MINAR1: variants seen among roughly 807,000 people sequenced by gnomAD.
MINAR1 encodes the protein membrane integral NOTCH2 associated receptor 1.
MINAR1 carries 40 observed loss-of-function variants against 65.1 expected under a neutral mutation model. The observed-to-expected ratio is 0.61, with a 90% CI of 0.48 to 0.80. MINAR1 has a LOEUF of 0.80. Among genes scored for constraint, MINAR1 ranks in the 30% least tolerant of loss-of-function variants. The pLI, the probability that MINAR1 is intolerant of heterozygous loss-of-function variation, is 0.00. For synonymous variants in MINAR1, 482 were observed against 449.1 expected (o/e 1.07, Z -0.93); for missense variants, 1,128 against 1,148.0 (o/e 0.98, Z 0.25).
chr15:79,463,216 G>A lies in MINAR1; in HGVS notation c.2448G>A (p.Arg816=). 2 of 1,614,216 alleles carry A rather than the reference G, an allele frequency of 1.2e-6. No individual in the cohort carries two copies. Among genetic ancestry groups the A allele is most frequent in the African/African-American group, 2.7e-5 (2 of 75,064 alleles). The part of the protein sequence containing the change: ...MKSNPLYTDM[R]LTELAEVKRG... Reference sequence around the variant, plus strand: ...GCAACCCCCTGTACACAGACATGCGGCTGACCGAGTTGGCCGAGGTGAAGC... The same window carrying A: ...GCAACCCCCTGTACACAGACATGCGACTGACCGAGTTGGCCGAGGTGAAGC... Residue 816 remains arginine (R), a synonymous_variant, in exon 3 of 4, where the codon CGG becomes CGA. Transcript: ENST00000305428.
chr15:79,463,588 A>G, intron 3 of MINAR1: 1 of 643,314 alleles, frequency 1.6e-6, no homozygotes, highest in East Asian at 3.1e-5. Context: ...TGATTTGCTA[A>G]CAATGCATTT....
At chr15:79,455,285 A>G (rs2141292131) in intron 1 of MINAR1, among the ~76,000 whole-genome samples, 1 of 152,344 alleles carries the variant, frequency 6.6e-6, no homozygotes, top group African/African-American at 2.4e-5. Flanking sequence ...TGTTTTCAAG[A>G]ATGCATAATT....
chr15:79,461,551 A>G (rs1340862920), intron 2 of MINAR1, among the ~76,000 whole-genome samples: 4 of 152,224 alleles, frequency 2.6e-5, no homozygotes, highest in Non-Finnish European at 1.5e-5. Flanking sequence ...AGTCTCTTAG[A>G]AGATACTTGG....
At chr15:79,441,811 T>A (rs997868457) in intron 1 of MINAR1, among the ~76,000 whole-genome samples, 4 of 151,980 alleles carry the variant, frequency 2.6e-5, no homozygotes, top group Non-Finnish European at 4.4e-5. Flanking sequence ...CCTTAGTCTT[T>A]AGTACTTTTC....
chr15:79,440,394 C>T (rs1489907494), intron 1 of MINAR1, among the ~76,000 whole-genome samples: 1 of 152,178 alleles, frequency 6.6e-6, no homozygotes, highest in Non-Finnish European at 1.5e-5. Flanking sequence ...TAAGACCCAT[C>T]CTTAAATACT....
intron 1 of MINAR1, among the ~76,000 whole-genome samples, chr15:79,446,669 A>AC (rs1174849754): frequency 4.6e-5 from 7 of 151,918 alleles, no homozygotes; most frequent in Admixed American, 1.3e-4. Context: ...TCTAAGGGTG[A>AC]GTTCATTATT....
intron 1 of MINAR1, among the ~76,000 whole-genome samples, chr15:79,437,829 T>G (rs1225896158): frequency 1.3e-4 from 2 of 14,978 alleles, no homozygotes; most frequent in Non-Finnish European, 1.4e-4. Flanking sequence ...CGTGGGTGTG[T>G]GTAGGGAGTG....
intron 2 of MINAR1, among the ~76,000 whole-genome samples, chr15:79,462,812 T>C (rs1895695708): frequency 6.6e-6 from 1 of 152,208 alleles, no homozygotes; most frequent in Non-Finnish European, 1.5e-5. Context: ...ACAATGGTAG[T>C]GATGGCCTAA....
At chr15:79,454,386 T>C (rs995798622) in intron 1 of MINAR1, among the ~76,000 whole-genome samples, 1 of 152,236 alleles carries the variant, frequency 6.6e-6, no homozygotes, top group Non-Finnish European at 1.5e-5. Context: ...AAAGAAAATA[T>C]ACTATTCCCT....
At chr15:79,412,220 A>T in the MINAR1 span, 1 of 152,110 alleles carries the variant, frequency 6.6e-6, no homozygotes. Context: ...CATCCCCCCC[A>T]ATCACTGCTG....
intron 1 of MINAR1, among the ~76,000 whole-genome samples, chr15:79,448,587 C>T (rs961226828): frequency 6.6e-6 from 1 of 152,228 alleles, no homozygotes; most frequent in Non-Finnish European, 1.5e-5. Flanking sequence ...AATTCTCTTG[C>T]AGTGTGCTTT....
chr15:79,458,443 G>A lies in MINAR1; in HGVS notation c.2296G>A (p.Glu766Lys), dbSNP rs1310311268. The A allele has an allele frequency of 1.2e-6, 2 of 1,608,464 alleles. No individual in the cohort carries two copies. Among genetic ancestry groups the A allele is most frequent in the Non-Finnish European group, 8.5e-7 (1 of 1,176,664 alleles). The part of the protein sequence containing the change: ...DNKDWHRKSK[E>K]ADRQYDIPPQ... Reference sequence around the variant, plus strand: ...TAAAGACTGGCATCGGAAATCTAAAGAGGTAATTTAAATTTAAGTTCACAT... The same window carrying A: ...TAAAGACTGGCATCGGAAATCTAAAAAGGTAATTTAAATTTAAGTTCACAT... The change falls in exon 2 of 4, where the codon GAG becomes AAG. Residue 766 changes from glutamate (E) to lysine (K), a missense_variant and splice_region_variant. Transcript: ENST00000305428.
chr15:79,444,890 G>T (rs1299713305), intron 1 of MINAR1, among the ~76,000 whole-genome samples: 2 of 151,996 alleles, frequency 1.3e-5, no homozygotes, highest in Admixed American at 1.3e-4. Flanking sequence ...TATATGTATA[G>T]ATCAAGTGTG....
chr15:79,456,062 C>A, intron 1 of MINAR1, 36 bp from the exon 2 acceptor site: 2 of 1,381,236 alleles, frequency 1.4e-6, no homozygotes, highest in Non-Finnish European at 2.0e-6. Context: ...TTATAATCCT[C>A]TTTTCCTCCT....
At chr15:79,466,526 AT>A (rs1007929616) in intron 3 of MINAR1, among the ~76,000 whole-genome samples, 42 of 152,142 alleles carry the variant, frequency 2.8e-4, no homozygotes, top group African/African-American at 9.9e-4. Context: ...TATTCTTTTG[AT>A]TTTTTTTCAA....
At chr15:79,419,107 T>C in the MINAR1 span, 1 of 152,288 alleles carries the variant, frequency 6.6e-6, no homozygotes, top group South Asian at 2.1e-4. Flanking sequence ...GGTTCATGCC[T>C]CGGCCATAGG....
At chr15:79,444,051 TGATGTGTAACGTGAGCTCTA>T (rs1281555442) in intron 1 of MINAR1, among the ~76,000 whole-genome samples, 4 of 152,212 alleles carry the variant, frequency 2.6e-5, no homozygotes, top group Admixed American at 6.5e-5. Flanking sequence ...CTGTATAATG[TGATGTGTAACGTGAGCTCTA>T]GACTTAGAGT....
At chr15:79,458,488 C>A in intron 2 of MINAR1, 43 bp downstream of exon 2, 1 of 1,582,696 alleles carries the variant, frequency 6.3e-7, no homozygotes, top group South Asian at 1.2e-5. Context: ...CCAGCTTCAT[C>A]ATAGCCCTGG....
rs1016976140 is a variant in MINAR1, at chr15:79,458,414, A to T, written c.2267A>T (p.Asp756Val). ...GAGATAAAAGACACAGGCCCAGGAG[A>T]TAATAAAGACTGGCATCGGAAATCT... ...EEEIKDTGPG[D>V]NKDWHRKSKE... The change falls in exon 2 of 4, where the codon GAT (aspartate) becomes GTT (valine). Residue 756 changes from aspartate (D) to valine (V), a missense_variant. Asp to Val is a radical substitution (Grantham distance 152, BLOSUM62 -3). Transcript: ENST00000305428. The T allele has an allele frequency of 6.2e-7, 1 of 1,610,268 alleles. No homozygotes were observed.
Sources: gnomAD v4.1 joint callset for allele counts (sites outside exome capture counted in the v4.1 genomes callset) on GRCh38, gnomAD v4.1.1 for gene constraint, MANE v1.5 for transcripts, NCBI Gene and HGNC (gene_info 2026-07-23, HGNC 2026-07-21) for gene names.